Variants in LOC112694756 observed in about 807,000 individuals in gnomAD.
chr16:30,053,642 G>A, the LOC112694756 span: 1 of 152,706 alleles, frequency 6.5e-6, no homozygotes, highest in South Asian at 2.1e-4. Context: ...AGAGCTGTCA[G>A]GAAGAGTCCA....
the LOC112694756 span, chr16:30,069,834 C>T: frequency 5.3e-5 from 85 of 1,614,044 alleles, no homozygotes; most frequent in Non-Finnish European, 6.8e-5. Context: ...CTACAGGGAT[C>T]ACCTTCCTGT....
chr16:30,069,276 C>T, the LOC112694756 span: 1 of 1,613,126 alleles, frequency 6.2e-7, no homozygotes. Flanking sequence ...GTTAGGAGGC[C>T]TCACAGTGAC....
At chr16:30,062,205 AAAAC>A in the LOC112694756 span, among the ~76,000 whole-genome samples, 1,917 of 151,838 alleles carry the variant, frequency 0.013, 22 homozygotes, top group Middle Eastern at 0.024. Flanking sequence ...TCCGTTTGAA[AAAAC>A]AAACAAACAA....
the LOC112694756 span, chr16:30,054,632 A>G: frequency 2.5e-6 from 1 of 396,828 alleles, no homozygotes; most frequent in Non-Finnish European, 4.4e-6. Flanking sequence ...TCAGGGCACA[A>G]GATAATGAGT....
chr16:30,067,774 C>T, the LOC112694756 span: 2 of 1,259,288 alleles, frequency 1.6e-6, no homozygotes, highest in Non-Finnish European at 2.3e-6. Context: ...TTGCATGGAG[C>T]CTGCTTCAGG....
chr16:30,054,999 G>A, the LOC112694756 span: 2 of 385,762 alleles, frequency 5.2e-6, no homozygotes, highest in Non-Finnish European at 9.1e-6. Flanking sequence ...CCCTTCATCT[G>A]CAGGCTCTTA....
the LOC112694756 span, chr16:30,067,217 C>T: frequency 1.2e-6 from 2 of 1,612,064 alleles, no homozygotes; most frequent in African/African-American, 1.3e-5. Context: ...TCCTTCCCCT[C>T]TGTTTCCTGT....
chr16:30,070,099 A>G, the LOC112694756 span: 3 of 1,613,462 alleles, frequency 1.9e-6, no homozygotes, highest in Non-Finnish European at 2.5e-6. Flanking sequence ...TTCTCACTCC[A>G]CCCCTCTCCC....
At chr16:30,056,512 A>G in the LOC112694756 span, among the ~76,000 whole-genome samples, 1 of 152,158 alleles carries the variant, frequency 6.6e-6, no homozygotes, top group African/African-American at 2.4e-5. Context: ...ATATACTAAT[A>G]CAGTACTATC....
the LOC112694756 span, chr16:30,069,404 G>T: frequency 6.2e-7 from 1 of 1,614,076 alleles, no homozygotes; most frequent in Admixed American, 1.7e-5. Context: ...ATGGCTACCT[G>T]CCTGACCAGT....
chr16:30,068,412 C>T, the LOC112694756 span: 2 of 590,714 alleles, frequency 3.4e-6, no homozygotes, highest in Non-Finnish European at 3.1e-6. Context: ...ATTTGCCAGC[C>T]CTGAGATGCA....
At chr16:30,070,076 C>T in the LOC112694756 span, 108 of 1,613,336 alleles carry the variant, frequency 6.7e-5, no homozygotes, top group South Asian at 9.3e-4. Context: ...GGATGGGACT[C>T]GGAGAAGAGC....
chr16:30,064,378 G>A, the LOC112694756 span: 7 of 398,674 alleles, frequency 1.8e-5, no homozygotes, highest in Non-Finnish European at 3.1e-5. Flanking sequence ...GAGGGTGGCA[G>A]GGAGGCCACG....
chr16:30,069,469 A>ACT, the LOC112694756 span: 1 of 1,611,060 alleles, frequency 6.2e-7, no homozygotes, highest in South Asian at 1.1e-5. Flanking sequence ...CCTCCACCCC[A>ACT]CTACCCACCG....
chr16:30,069,092 G>C, the LOC112694756 span: 1 of 1,526,912 alleles, frequency 6.5e-7, no homozygotes, highest in East Asian at 2.3e-5. Context: ...ATTAGCTTTG[G>C]CCCGTGGAGG....
chr16:30,069,780 C>T, the LOC112694756 span: 1 of 1,613,008 alleles, frequency 6.2e-7, no homozygotes, highest in Non-Finnish European at 8.5e-7. Context: ...CTCCTGCCAG[C>T]TTCCTGGGTC....
chr16:30,053,786 G>T, the LOC112694756 span, among the ~76,000 whole-genome samples: 2 of 152,188 alleles, frequency 1.3e-5, no homozygotes, highest in African/African-American at 4.8e-5. Context: ...GCAGCATTTG[G>T]GGAACTGCTA....
At chr16:30,069,178 A>T in the LOC112694756 span, 1 of 1,349,930 alleles carries the variant, frequency 7.4e-7, no homozygotes, top group African/African-American at 1.4e-5. Context: ...TGTCTCCTGT[A>T]ATCTGAGGGC....
chr16:30,056,626 G>A, the LOC112694756 span, among the ~76,000 whole-genome samples: 2 of 151,874 alleles, frequency 1.3e-5, no homozygotes, highest in Non-Finnish European at 2.9e-5. Context: ...TTTGAGACAC[G>A]ATCTTGCTCT....
Sources: allele counts gnomAD v4.1 joint callset (sites outside exome capture counted in the v4.1 genomes callset), GRCh38; gene constraint gnomAD v4.1.1; transcripts MANE v1.5.